RUNX1: variants seen among roughly 807,000 people sequenced by gnomAD.
RUNX1 encodes the protein RUNX family transcription factor 1, also known as runt-related transcription factor 1.
Under a neutral mutation model 42.8 loss-of-function variants are expected in RUNX1, and 19 were observed. The ratio of observed to expected loss-of-function variants is 0.44; its 90% confidence interval spans 0.31 to 0.65. The LOEUF (loss-of-function observed/expected upper bound fraction) is 0.65, where lower values mean the gene tolerates loss of function less well. Among genes scored for constraint, RUNX1 ranks in the 30% least tolerant of loss-of-function variants. The pLI is 0.07. For synonymous variants in RUNX1, 271 were observed against 289.4 expected (o/e 0.94, Z 0.64); for missense variants, 528 against 672.0 (o/e 0.79, Z 2.37).
At chr21:34,871,311 T>C (rs1032559786) in intron 5 of RUNX1, among the ~76,000 whole-genome samples, 12 of 152,148 alleles carry the variant, frequency 7.9e-5, no homozygotes, top group African/African-American at 2.9e-4. Context: ...AGTTAATGCT[T>C]ACTAGTCACA....
At chr21:34,930,270 G>GTGTATATATATATATATATATATA (rs372412304) in intron 2 of RUNX1, among the ~76,000 whole-genome samples, 1 of 123,010 alleles carries the variant, frequency 8.1e-6, no homozygotes, top group African/African-American at 3.8e-5. Flanking sequence ...GTGTGTGTAT[G>GTGTATATATATATATATATATATA]TATATATATA....
chr21:34,792,597 C>G lies in RUNX1; in HGVS notation c.981G>C (p.Leu327=), dbSNP rs376269814. 31 of 1,593,792 alleles carry G rather than the reference C, an allele frequency of 1.9e-5. No homozygotes were observed. Among genetic ancestry groups the G allele is most frequent in the Non-Finnish European group, 2.4e-5 (28 of 1,170,598 alleles). The change falls in exon 9 of 9, where the codon CTG becomes CTC. Residue 327 remains leucine (L), a synonymous_variant. Transcript: ENST00000675419. This position sits in a 1 kb window ranked among gnomAD's most constrained non-coding sequence, Gnocchi z 6.9. ...LSSRLSTAPD[L]TAFSDPRQFP... Reference sequence around the variant, plus strand: ...ACTGGCGCGGGTCGCTGAACGCTGTCAGGTCGGGTGCCGCTGCAGGGCGGG... The same window carrying G: ...ACTGGCGCGGGTCGCTGAACGCTGTGAGGTCGGGTGCCGCTGCAGGGCGGG...
At chr21:34,999,964 C>T (rs2059027984) in intron 2 of RUNX1, among the ~76,000 whole-genome samples, 1 of 152,158 alleles carries the variant, frequency 6.6e-6, no homozygotes, top group Non-Finnish European at 1.5e-5. Context: ...TCGGGCTGAA[C>T]GAGATGAGCT....
At chr21:34,950,287 T>A (rs2058596969) in intron 2 of RUNX1, among the ~76,000 whole-genome samples, 1 of 152,234 alleles carries the variant, frequency 6.6e-6, no homozygotes, top group Non-Finnish European at 1.5e-5. Context: ...ATATTTTATT[T>A]TTCAAATTAT....
chr21:34,863,857 C>G (rs187280620), intron 5 of RUNX1, among the ~76,000 whole-genome samples: 2 of 151,950 alleles, frequency 1.3e-5, no homozygotes, highest in African/African-American at 2.4e-5. Context: ...ACATTTCCAC[C>G]GAGCACACAC....
intron 7 of RUNX1, among the ~76,000 whole-genome samples, chr21:34,825,439 TA>T (rs151012036): frequency 6.6e-6 from 1 of 152,016 alleles, no homozygotes; most frequent in African/African-American, 2.4e-5. Context: ...TGATCTCATC[TA>T]AAAAAAATCA....
At chr21:35,009,120 C>T (rs1203778061) in intron 2 of RUNX1, among the ~76,000 whole-genome samples, 1 of 152,166 alleles carries the variant, frequency 6.6e-6, no homozygotes. Context: ...CCTGCTGCAT[C>T]TTTTAACCCT....
chr21:35,045,786 C>T (rs2059391772), intron 2 of RUNX1, among the ~76,000 whole-genome samples: 1 of 152,164 alleles, frequency 6.6e-6, no homozygotes, highest in Admixed American at 6.5e-5. Flanking sequence ...TAGAGAAGAA[C>T]ATACTTTATA....
intron 2 of RUNX1, among the ~76,000 whole-genome samples, chr21:34,940,340 G>C (rs188069538): frequency 6.6e-6 from 1 of 152,160 alleles, no homozygotes; most frequent in Non-Finnish European, 1.5e-5. Flanking sequence ...ACAGCCATTC[G>C]TTCTTTAATG....
At chr21:34,880,483 A>T in intron 5 of RUNX1, 74 bp downstream of exon 5, 1 of 1,431,324 alleles carries the variant, frequency 7.0e-7, no homozygotes, top group Non-Finnish European at 9.9e-7. Flanking sequence ...CCATCACAGA[A>T]ATCACTAGAA....
chr21:35,046,182 C>G (rs188331084), intron 2 of RUNX1, among the ~76,000 whole-genome samples: 30 of 152,186 alleles, frequency 2.0e-4, no homozygotes, highest in African/African-American at 7.0e-4. Context: ...TCGGTGGGAA[C>G]CTGGTGTGGT....
chr21:35,042,609 T>C (rs2059367116), intron 2 of RUNX1, among the ~76,000 whole-genome samples: 1 of 152,164 alleles, frequency 6.6e-6, no homozygotes, highest in Non-Finnish European at 1.5e-5. Flanking sequence ...TGAATAAAAA[T>C]ACCAGGACCC....
intron 2 of RUNX1, among the ~76,000 whole-genome samples, chr21:34,905,106 C>G (rs1488031147): frequency 1.3e-5 from 2 of 152,152 alleles, no homozygotes; most frequent in South Asian, 2.1e-4. Flanking sequence ...ACATAGTGCC[C>G]AGACACCGTG....
At chr21:34,849,270 T>A (rs200866438) in intron 6 of RUNX1, among the ~76,000 whole-genome samples, 32 of 45,576 alleles carry the variant, frequency 7.0e-4, no homozygotes, top group East Asian at 3.9e-3. Context: ...ATATATATAA[T>A]ATATATATAA....
intron 2 of RUNX1, among the ~76,000 whole-genome samples, chr21:35,030,297 C>T (rs1050648364): frequency 2.4e-4 from 37 of 151,794 alleles, no homozygotes; most frequent in African/African-American, 7.7e-4. Context: ...GAGTCGAGAT[C>T]GTGCCACTGC....
At chr21:34,828,590 G>A (rs1246367805) in intron 7 of RUNX1, among the ~76,000 whole-genome samples, 1 of 152,188 alleles carries the variant, frequency 6.6e-6, no homozygotes, top group Non-Finnish European at 1.5e-5. Context: ...TGGTTTGAAT[G>A]TGTCTTCTCA....
chr21:34,898,673 A>T (rs935217902), intron 2 of RUNX1, among the ~76,000 whole-genome samples: 1 of 152,182 alleles, frequency 6.6e-6, no homozygotes, highest in African/African-American at 2.4e-5. Context: ...CAAACGCACC[A>T]GTGGATTGTG....
rs564475859 is a variant in RUNX1 at position 34,804,493 on chromosome 21, C to T, written c.806-5031G>A. On this transcript the variant is annotated intron_variant, in intron 7 of 8. Transcript: ENST00000675419. Reference sequence around the variant, plus strand: ...TTGGGTACATGAGAATAATAACTCACGCTAAAGGCCTACTAAGTTCCTATT... The same window carrying T: ...TTGGGTACATGAGAATAATAACTCATGCTAAAGGCCTACTAAGTTCCTATT... Among the ~76,000 whole-genome samples, 37 of 152,238 alleles carry T rather than the reference C, an allele frequency of 2.4e-4. 1 individual carries two copies. The South Asian group carries it at 6.4e-3, about 26-fold the overall frequency.
intron 6 of RUNX1, among the ~76,000 whole-genome samples, chr21:34,857,412 C>T (rs1601466250): frequency 1.3e-5 from 2 of 152,332 alleles, no homozygotes; most frequent in African/African-American, 4.8e-5. Context: ...TTTTCTGAAG[C>T]TCAATAACTT....
Sources: gnomAD v4.1 joint callset for allele counts (sites outside exome capture counted in the v4.1 genomes callset) on GRCh38, gnomAD v4.1.1 for gene constraint, Gnocchi (gnomAD v3.1) non-coding constraint, MANE v1.5 for transcripts, NCBI Gene and HGNC (gene_info 2026-07-23, HGNC 2026-07-21) for gene names.